TRPM8: variants seen among roughly 807,000 people sequenced by gnomAD.
The protein encoded by TRPM8 is transient receptor potential cation channel subfamily M member 8, also known as TRPM8 cationic channel.
In TRPM8, 110 loss-of-function variants were observed where a neutral mutation model predicts 133.7. That is an observed-to-expected ratio of 0.82 (90% CI 0.70 to 0.96). The LOEUF (loss-of-function observed/expected upper bound fraction) is 0.96, where lower values mean the gene tolerates loss of function less well. Among genes scored for constraint, TRPM8 ranks in the 40% least tolerant of loss-of-function variants. The pLI, the probability that TRPM8 is intolerant of heterozygous loss-of-function variation, is 0.00. For missense variants in TRPM8, 1,291 were observed against 1,379.5 expected (o/e 0.94, Z 1.02); for synonymous variants, 535 against 532.3 (o/e 1.01, Z -0.07).
intron 17 of TRPM8, among the ~76,000 whole-genome samples, chr2:233,979,842 C>T (rs1191588902): frequency 6.6e-6 from 1 of 152,200 alleles, no homozygotes; most frequent in Non-Finnish European, 1.5e-5. Flanking sequence ...GTGTAGTGCA[C>T]AGCCTGTACC....
chr2:233,961,539 C>CAG (rs1253540258), intron 12 of TRPM8, among the ~76,000 whole-genome samples: 2 of 151,802 alleles, frequency 1.3e-5, no homozygotes, highest in African/African-American at 2.4e-5. Context: ...CTCCTCTCCG[C>CAG]GTGATCTGTC....
intron 22 of TRPM8, among the ~76,000 whole-genome samples, chr2:233,997,301 C>A (rs538450281): frequency 6.6e-6 from 1 of 152,188 alleles, no homozygotes; most frequent in Admixed American, 6.5e-5. Flanking sequence ...GAAATAGGAA[C>A]GTGCAGTTCA....
chr2:233,919,146 C>T (rs910836625), intron 1 of TRPM8, among the ~76,000 whole-genome samples: 1 of 135,406 alleles, frequency 7.4e-6, no homozygotes, highest in African/African-American at 3.6e-5. Flanking sequence ...TAAAAAGCAA[C>T]TTATAAAACA....
At chr2:234,014,798 A>G in intron 25 of TRPM8, 144 bp downstream of exon 25, 1 of 438,140 alleles carries the variant, frequency 2.3e-6, no homozygotes, top group South Asian at 3.0e-5. Flanking sequence ...AAAAAAAAAT[A>G]CAGAGATAGA....
chr2:234,009,281 G>A (rs1230708046), intron 24 of TRPM8, among the ~76,000 whole-genome samples: 3 of 152,200 alleles, frequency 2.0e-5, no homozygotes. Flanking sequence ...AGAGAAAACA[G>A]TCTATTTTAG....
rs1294595931 is a variant in TRPM8 at position 233,966,718 on chromosome 2, C to A, written c.1988C>A (p.Ala663Asp). The A allele has an allele frequency of 6.2e-7, 1 of 1,604,820 alleles. No homozygotes were observed. Among genetic ancestry groups the A allele is most frequent in the Non-Finnish European group, 8.5e-7 (1 of 1,173,484 alleles). Residue 663 changes from alanine (A) to aspartate (D), a missense_variant, in exon 15 of 26, where the codon GCC becomes GAC. Ala to Asp is a moderately radical substitution (Grantham distance 126). Transcript: ENST00000324695. ...GSNCLELAVEATDQHFIAQPG... is the reference protein window; with the variant it reads ...GSNCLELAVEDTDQHFIAQPG... ...AACTGTCTGGAGCTGGCGGTGGAGG[C>A]CACAGACCAGCATTTCATCGCCCAG...
chr2:233,975,212 C>T (rs1691837653), intron 17 of TRPM8, among the ~76,000 whole-genome samples: 1 of 152,172 alleles, frequency 6.6e-6, no homozygotes, highest in African/African-American at 2.4e-5. Flanking sequence ...GGTGTTGGCA[C>T]CGACACGTTT....
intron 14 of TRPM8, 124 bp from the exon 15 acceptor site, chr2:233,966,486 T>C (rs1393542728): frequency 1.6e-6 from 2 of 1,213,382 alleles, no homozygotes; most frequent in Non-Finnish European, 2.3e-6. Flanking sequence ...TCTATGCCTT[T>C]TGTAAGAATG....
intron 17 of TRPM8, among the ~76,000 whole-genome samples, chr2:233,979,118 A>G (rs1240100311): frequency 6.6e-6 from 1 of 152,210 alleles, no homozygotes; most frequent in Non-Finnish European, 1.5e-5. Context: ...TCTAAATATC[A>G]GATGGACTCC....
intron 7 of TRPM8, 191 bp downstream of exon 7, chr2:233,946,221 G>T: frequency 1.8e-6 from 1 of 547,314 alleles, no homozygotes; most frequent in Non-Finnish European, 3.2e-6. Flanking sequence ...GGTCAATGTG[G>T]TATGTACCCT....
intron 6 of TRPM8, among the ~76,000 whole-genome samples, chr2:233,944,148 C>A (rs1320042604): frequency 1.3e-5 from 2 of 152,112 alleles, no homozygotes; most frequent in African/African-American, 4.8e-5. Context: ...ACTGATTTAT[C>A]TAATTGTGCA....
intron 6 of TRPM8, among the ~76,000 whole-genome samples, chr2:233,943,593 G>A (rs1260981296): frequency 1.3e-5 from 2 of 152,172 alleles, no homozygotes; most frequent in Non-Finnish European, 2.9e-5. Flanking sequence ...TTGGTTAAAT[G>A]GGCATTAAGA....
At chr2:233,997,204 G>A (rs2125354134) in intron 22 of TRPM8, among the ~76,000 whole-genome samples, 1 of 151,350 alleles carries the variant, frequency 6.6e-6, no homozygotes, top group South Asian at 2.1e-4. Context: ...AACCCAGGAG[G>A]TGGAGGATGC....
intron 16 of TRPM8, 81 bp from the exon 17 acceptor site, chr2:233,970,129 A>G: frequency 7.8e-7 from 1 of 1,279,756 alleles, no homozygotes; most frequent in Non-Finnish European, 1.1e-6. Context: ...GTCTGTATTT[A>G]TCTATGTTTG....
At chr2:233,954,261 G>C (rs1364271006) in intron 10 of TRPM8, among the ~76,000 whole-genome samples, 1 of 152,160 alleles carries the variant, frequency 6.6e-6, no homozygotes, top group Non-Finnish European at 1.5e-5. Context: ...CAAAATCGCA[G>C]TAGTCTCCAA....
At chr2:234,010,163 A>C (rs1006504004) in intron 24 of TRPM8, among the ~76,000 whole-genome samples, 1 of 151,950 alleles carries the variant, frequency 6.6e-6, no homozygotes, top group African/African-American at 2.4e-5. Context: ...CCCAGCGACC[A>C]CCGTGCTACT....
In TRPM8 at chr2:234,017,402, G is replaced by A. The variant is rs1255515627; in HGVS notation, c.*146G>A. On this transcript the variant is annotated 3_prime_UTR_variant, in exon 26 of 26. Coordinates refer to ENST00000324695, the MANE Select transcript of TRPM8 (RefSeq NM_024080.5). ...GGATGATTTTAAATCACCCTAGTGT[G>A]CTGAGACCTTGAGAATAAAGTGTGT... is the stretch of plus-strand genomic sequence containing the variant. 2 of 469,696 alleles carry A rather than the reference G, an allele frequency of 4.3e-6. No homozygotes were observed. Among genetic ancestry groups the A allele is most frequent in the Admixed American group, 2.4e-5 (1 of 42,236 alleles). 29.1% of individuals were successfully genotyped at this position (469,696 alleles called of 1,614,324 possible). A position where few individuals can be genotyped will look rare whatever the true frequency, so the allele number is the denominator to read the frequency against.
Position 233,996,332 on chromosome 2 carries a change from G to T in TRPM8, c.2946G>T (p.Thr982=), listed in dbSNP as rs200283823. The change falls in exon 22 of 26, where the codon ACG becomes ACT. Residue 982 remains threonine (T), a synonymous_variant. Transcript: ENST00000324695. ...TTCTCTCTTCCCTCACCAGCTACAC[G>T]GTGGGCACCGTCCAGGAGAACAATG... is the stretch of plus-strand genomic sequence containing the variant. The part of the protein sequence containing the change: ...VNLLVAMFGY[T]VGTVQENNDQ... 11 of 1,614,002 alleles carry T rather than the reference G, an allele frequency of 6.8e-6. No homozygotes were observed. The highest frequency in any genetic ancestry group is 9.3e-6 in the Non-Finnish European group (11 of 1,179,946).
intron 22 of TRPM8, among the ~76,000 whole-genome samples, chr2:233,999,730 C>T (rs970919339): frequency 3.3e-5 from 5 of 152,256 alleles, no homozygotes; most frequent in African/African-American, 7.2e-5. Context: ...AACTCACCTA[C>T]CATACTAGAC....
Sources: gnomAD v4.1 joint callset for allele counts (sites outside exome capture counted in the v4.1 genomes callset) on GRCh38, gnomAD v4.1.1 for gene constraint, MANE v1.5 for transcripts, NCBI Gene and HGNC (gene_info 2026-07-23, HGNC 2026-07-21) for gene names.